LRFN5: variants seen among roughly 807,000 people sequenced by gnomAD.
LRFN5 encodes the protein leucine rich repeat and fibronectin type III domain containing 5, also known as leucine-rich repeat and fibronectin type-III domain-containing protein 5.
In LRFN5, 24 loss-of-function variants were observed where a neutral mutation model predicts 45.6. The observed-to-expected ratio is 0.53, with a 90% CI of 0.38 to 0.74. The LOEUF is 0.74. Among genes scored for constraint, LRFN5 ranks in the 30% least tolerant of loss-of-function variants. LRFN5 has a pLI of 0.00. For missense variants in LRFN5, 776 were observed against 861.5 expected (o/e 0.90, Z 1.24); for synonymous variants, 340 against 313.8 (o/e 1.08, Z -0.88).
At chr14:41,833,390 T>G (rs983540491) in intron 2 of LRFN5, among the ~76,000 whole-genome samples, 1 of 152,170 alleles carries the variant, frequency 6.6e-6, no homozygotes, top group Non-Finnish European at 1.5e-5. Flanking sequence ...ACATCCGCCT[T>G]CTATAGAATC....
intron 3 of LRFN5, among the ~76,000 whole-genome samples, chr14:41,890,894 A>C (rs1055835990): frequency 6.6e-6 from 1 of 152,144 alleles, no homozygotes; most frequent in African/African-American, 2.4e-5. Context: ...AGGTATTGTA[A>C]GTGCTAAATG....
rs955437383 is a variant in LRFN5 at position 41,713,068 on chromosome 14, T to C, written c.-196-53786T>C. On this transcript the variant is annotated intron_variant, in intron 1 of 5. Coordinates refer to ENST00000298119, the MANE Select transcript of LRFN5 (RefSeq NM_152447.5). ...AAAAGAGAGTCTACAAACAAATCTA[T>C]GCAGATATGAAAACTGTATATCATA... 2.0e-5 allele frequency among the ~76,000 whole-genome samples: 3 copies of C among 152,256 alleles called. No individual in the cohort carries two copies. In the East Asian group the frequency reaches 5.8e-4, roughly 29 times the overall value.
At chr14:41,790,642 A>C (rs1275411418) in intron 2 of LRFN5, among the ~76,000 whole-genome samples, 1 of 151,220 alleles carries the variant, frequency 6.6e-6, no homozygotes, top group African/African-American at 2.4e-5. Flanking sequence ...TTTAATAACC[A>C]TTGAGTTTAA....
chr14:41,823,678 A>G (rs370477598), intron 2 of LRFN5, among the ~76,000 whole-genome samples: 1 of 152,038 alleles, frequency 6.6e-6, no homozygotes, highest in Non-Finnish European at 1.5e-5. Flanking sequence ...TTGTATCTTG[A>G]TATTTAAATC....
intron 5 of LRFN5, among the ~76,000 whole-genome samples, chr14:41,903,547 G>T (rs1359401969): frequency 3.3e-5 from 5 of 151,326 alleles, no homozygotes; most frequent in African/African-American, 1.2e-4. Flanking sequence ...ACAGTTTTAT[G>T]TTTAAATATT....
chr14:41,744,890 A>G (rs1298062464), intron 1 of LRFN5, among the ~76,000 whole-genome samples: 6 of 152,188 alleles, frequency 3.9e-5, no homozygotes, highest in Non-Finnish European at 7.4e-5. Flanking sequence ...CTGTAAAAAT[A>G]TAAAGTAAAA....
chr14:41,640,139 G>A (rs1239358110), intron 1 of LRFN5, among the ~76,000 whole-genome samples: 2 of 151,604 alleles, frequency 1.3e-5, no homozygotes, highest in Non-Finnish European at 2.9e-5. Context: ...GATCCTGGGG[G>A]AAAAGTAAAC....
intron 2 of LRFN5, among the ~76,000 whole-genome samples, chr14:41,816,241 G>C (rs369833425): frequency 2.0e-5 from 3 of 150,976 alleles, no homozygotes; most frequent in South Asian, 4.2e-4. Context: ...CATCATTGCT[G>C]TCATTCATTT....
intron 1 of LRFN5, among the ~76,000 whole-genome samples, chr14:41,648,223 T>C (rs1203660471): frequency 1.3e-5 from 2 of 152,248 alleles, no homozygotes; most frequent in African/African-American, 4.8e-5. Context: ...TATACCATTA[T>C]TGTTTAAAAT....
chr14:41,821,157 G>A (rs2139012912), intron 2 of LRFN5, among the ~76,000 whole-genome samples: 1 of 151,980 alleles, frequency 6.6e-6, no homozygotes, highest in East Asian at 1.9e-4. Flanking sequence ...TATAATAGAA[G>A]TATGAAAGTG....
At chr14:41,633,846 A>C (rs917778414) in intron 1 of LRFN5, among the ~76,000 whole-genome samples, 2 of 151,998 alleles carry the variant, frequency 1.3e-5, no homozygotes, top group African/African-American at 2.4e-5. Context: ...CTCATACACA[A>C]GTGTATGTAT....
chr14:41,635,877 G>A (rs1184750610), intron 1 of LRFN5, among the ~76,000 whole-genome samples: 2 of 152,046 alleles, frequency 1.3e-5, no homozygotes, highest in African/African-American at 4.8e-5. Flanking sequence ...GTCCATACTA[G>A]TTTCTAATTC....
At chr14:41,888,607 AT>A (rs1353333361) in intron 3 of LRFN5, among the ~76,000 whole-genome samples, 4 of 152,016 alleles carry the variant, frequency 2.6e-5, no homozygotes, top group Non-Finnish European at 1.5e-5. Context: ...AATGAGACTG[AT>A]TCTTTGAGTG....
chr14:41,794,825 C>G (rs1887060513), intron 2 of LRFN5, among the ~76,000 whole-genome samples: 1 of 151,956 alleles, frequency 6.6e-6, no homozygotes, highest in African/African-American at 2.4e-5. Flanking sequence ...TAATCTGCTT[C>G]AAAATTGTGG....
intron 2 of LRFN5, among the ~76,000 whole-genome samples, chr14:41,784,669 C>T (rs1276390936): frequency 6.6e-6 from 1 of 151,872 alleles, no homozygotes; most frequent in Admixed American, 6.6e-5. Flanking sequence ...CGCTCTGTCA[C>T]CCAGGCTGGA....
At chr14:41,655,913 C>T (rs535818600) in intron 1 of LRFN5, among the ~76,000 whole-genome samples, 1 of 152,120 alleles carries the variant, frequency 6.6e-6, no homozygotes, top group Admixed American at 6.6e-5. Context: ...ATGCCTAGCA[C>T]ATAAGTGCTC....
intron 4 of LRFN5, chr14:41,894,068 T>C: frequency 1.0e-6 from 1 of 984,316 alleles, no homozygotes; most frequent in Non-Finnish European, 1.2e-6. Context: ...ATACTACTTT[T>C]TCTCTTCTTA....
At chr14:41,652,545 G>A (rs998832940) in intron 1 of LRFN5, among the ~76,000 whole-genome samples, 2 of 152,118 alleles carry the variant, frequency 1.3e-5, no homozygotes, top group African/African-American at 4.8e-5. Context: ...TATTCTACAA[G>A]GAAGAGAATA....
chr14:41,734,291 G>A (rs186223140), intron 1 of LRFN5, among the ~76,000 whole-genome samples: 31 of 75,384 alleles, frequency 4.1e-4, no homozygotes, highest in African/African-American at 9.1e-4. Flanking sequence ...GATTACAGGC[G>A]TGAGCCACCT....
Sources: gnomAD v4.1 joint callset for allele counts (sites outside exome capture counted in the v4.1 genomes callset) on GRCh38, gnomAD v4.1.1 for gene constraint, MANE v1.5 for transcripts, NCBI Gene and HGNC (gene_info 2026-07-23, HGNC 2026-07-21) for gene names.